ADCY4: variants seen among roughly 807,000 people sequenced by gnomAD.
The protein encoded by ADCY4 is adenylate cyclase type 4.
In ADCY4, 111 loss-of-function variants were observed where a neutral mutation model predicts 125.5. The observed-to-expected ratio is 0.88, with a 90% confidence interval of 0.76 to 1.04. The LOEUF is 1.04. Ranked by LOEUF, ADCY4 falls within the 50% of genes least tolerant of loss-of-function variation. The probability of loss-of-function intolerance (pLI) is 0.00; values close to 1 mark genes in which losing one functional copy is unlikely to be tolerated. For synonymous variants in ADCY4, 576 were observed against 586.9 expected (o/e 0.98, Z 0.27); for missense variants, 1,256 against 1,382.9 (o/e 0.91, Z 1.46).
intron 20 of ADCY4, 57 bp downstream of exon 20, chr14:24,322,009 A>C: frequency 6.5e-7 from 1 of 1,544,518 alleles, no homozygotes; most frequent in Non-Finnish European, 8.8e-7. Flanking sequence ...CAAGGCTTTC[A>C]TCTGAAATTA....
chr14:24,334,739 C>A lies in ADCY4; in HGVS notation c.-87G>T. ...CCCGGCGGGCCCCACCTGAGCTTTT[C>A]TCACCCGCTCAAAGCCGCTACCACC... is the stretch of plus-strand genomic sequence containing the variant. On this transcript the variant is annotated 5_prime_UTR_variant, in exon 1 of 25. Coordinates refer to ENST00000418030, the MANE Select transcript of ADCY4 (RefSeq NM_001198568.2). 1 of 1,153,592 alleles carries A rather than the reference C, an allele frequency of 8.7e-7. No individual in the cohort carries two copies. Among genetic ancestry groups the A allele is most frequent in the South Asian group, 1.6e-5 (1 of 61,690 alleles). 71.5% of individuals were successfully genotyped at this position (1,153,592 alleles called of 1,614,324 possible).
rs764583308 is a variant in ADCY4 at position 24,322,185 on chromosome 14, T to G, written c.2467A>C (p.Lys823Gln). Residue 823 changes from lysine to glutamine, a missense_variant, in exon 20 of 25, where the codon AAG (lysine) becomes CAG (glutamine). Coordinates refer to ENST00000418030, the MANE Select transcript of ADCY4 (RefSeq NM_001198568.2). ...YCRLDFLWKK[K>Q]LRQEREETET... ...GTCTCCTCCCTCTCCTGCCTCAGCTTCTTCTTCCACAGGAAGTCCAGGCGG... is the reference window on the plus strand; with the variant it reads ...GTCTCCTCCCTCTCCTGCCTCAGCTGCTTCTTCCACAGGAAGTCCAGGCGG... 10 of 1,614,050 alleles carry G rather than the reference T, an allele frequency of 6.2e-6. No homozygotes were observed. In the East Asian group the frequency reaches 8.9e-5, roughly 14 times the overall value.
chr14:24,330,335 G>C (rs1566439765), intron 6 of ADCY4, 40 bp from the exon 7 acceptor site: 1 of 1,611,776 alleles, frequency 6.2e-7, no homozygotes, highest in Non-Finnish European at 8.5e-7. Context: ...AACCTGGTTA[G>C]AGGTCAGAAG....
chr14:24,331,253 G>C lies in ADCY4; in HGVS notation c.773C>G (p.Thr258Ser). 6.2e-7 allele frequency: 1 copy of C among 1,614,186 alleles called. No homozygotes were observed. The highest frequency in any genetic ancestry group is 8.5e-7 in the Non-Finnish European group (1 of 1,180,028). Reference sequence around the variant, plus strand: ...GACATAGAGGCTGTGGAAATTGTTAGTGCTCTCTGGCCGTGACCCCTGTCC... The same window carrying C: ...GACATAGAGGCTGTGGAAATTGTTACTGCTCTCTGGCCGTGACCCCTGTCC... ...QAGQGSRPES[T>S]NNFHSLYVKR... The change falls in exon 5 of 25, where the codon ACT (threonine) becomes AGT (serine). Residue 258 changes from threonine to serine, a missense_variant. Thr to Ser is a moderately conservative substitution (Grantham distance 58). Transcript: ENST00000418030.
In ADCY4 at chr14:24,325,385, C is replaced by A; in HGVS notation, c.1815G>T (p.Val605=). 6.2e-7 allele frequency: 1 copy of A among 1,613,362 alleles called. No homozygotes were observed. Among genetic ancestry groups the A allele is most frequent in the South Asian group, 1.1e-5 (1 of 91,046 alleles). ...GCCTGGGGCACTCTCACCTGTTTGTCACTAGCATCTGGATGATGAAGTTGG... is the reference window on the plus strand; with the variant it reads ...GCCTGGGGCACTCTCACCTGTTTGTAACTAGCATCTGGATGATGAAGTTGG... ...FLSNFIIQML[V]TNRPPALAIT... is the part of the protein sequence containing the mutation. The change falls in exon 14 of 25, where the codon GTG becomes GTT. Residue 605 remains valine (V), a synonymous_variant. Coordinates refer to ENST00000418030, the MANE Select transcript of ADCY4 (RefSeq NM_001198568.2).
intron 14 of ADCY4, 101 bp from the exon 15 acceptor site, chr14:24,324,492 T>A: frequency 7.4e-7 from 1 of 1,350,082 alleles, no homozygotes; most frequent in Non-Finnish European, 1.0e-6. Flanking sequence ...GAAGTGGTTC[T>A]GGGGAATCTG....
rs61560607 is a variant in ADCY4, at chr14:24,332,237, CTTTTTTTT to C, written c.519+277_519+284del. On this transcript the variant is annotated intron_variant, in intron 3 of 24. Transcript: ENST00000418030. ...CGCTACCCACTCCCATCGCACAAAA[CTTTTTTTT>C]TTTTTTTTTCATTCTCTGTCAAGGT... The C allele has an allele frequency of 1.5e-5, 6 of 394,630 alleles. No individual in the cohort carries two copies. In the Admixed American group the frequency reaches 1.9e-4, roughly 12 times the overall value. The allele number at this position is 394,630 out of a possible 1,614,324, so 24.4% of individuals were successfully genotyped here.
rs1025416042 is a variant in ADCY4 at position 24,319,640 on chromosome 14, G to A, written c.2733+102C>T. ...AGGAGGTGAGGGAGTACTGTGGAGGGGAGGATTGACTTCATGGCCAGAAAA... is the reference window on the plus strand; with the variant it reads ...AGGAGGTGAGGGAGTACTGTGGAGGAGAGGATTGACTTCATGGCCAGAAAA... On this transcript the variant is annotated intron_variant, in intron 21 of 24. Coordinates refer to ENST00000418030, the MANE Select transcript of ADCY4 (RefSeq NM_001198568.2). This position sits in a 1 kb window ranked among gnomAD's most constrained non-coding sequence, Gnocchi z 4.5. The A allele has an allele frequency of 5.5e-6, 8 of 1,460,340 alleles. No homozygotes were observed. The highest frequency in any genetic ancestry group is 5.2e-5 in the Admixed American group (3 of 57,248). The allele number at this position is 1,460,340 out of a possible 1,614,324, so 90.5% of individuals were successfully genotyped here.
rs769380275 is a variant in ADCY4 at position 24,324,166 on chromosome 14, A to T, written c.1942T>A (p.Trp648Arg). ...ACCAGGCCAGACAGTGCAGGCAGCC[A>T]GTGCAGCATCTTGGGGCCTTTCAGG... ...CVLKGPKMLHWLPALSGLVAT... is the reference protein window; with the variant it reads ...CVLKGPKMLHRLPALSGLVAT... Residue 648 changes from tryptophan to arginine, a missense_variant, in exon 16 of 25, where the codon TGG becomes AGG. Coordinates refer to ENST00000418030, the MANE Select transcript of ADCY4 (RefSeq NM_001198568.2). 2.5e-6 allele frequency: 4 copies of T among 1,614,254 alleles called. No homozygotes were observed. In the South Asian group the frequency reaches 4.4e-5, roughly 18 times the overall value.
At chr14:24,333,381 C>T (rs2042080101) in intron 1 of ADCY4, among the ~76,000 whole-genome samples, 1 of 149,936 alleles carries the variant, frequency 6.7e-6, no homozygotes, top group Non-Finnish European at 1.5e-5. Context: ...CCACCACGCC[C>T]AGCTAATTTT....
Position 24,324,394 on chromosome 14 carries a change from G to A in ADCY4, c.1824-3C>T, listed in dbSNP as rs1884366. ...ACGTGATGGCCAGAGCTGGGGGCCT[G>A]AAGGGAGACAAAAGCGAGGCCTTGA... On this transcript the variant is annotated splice_region_variant and splice_polypyrimidine_tract_variant and intron_variant, in intron 14 of 24. Coordinates refer to ENST00000418030, the MANE Select transcript of ADCY4 (RefSeq NM_001198568.2). 0.99 allele frequency: 1,594,464 copies of A among 1,613,476 alleles called. 789,576 individuals carry two copies. Among genetic ancestry groups the A allele is most frequent in the East Asian group, 1 (44,887 of 44,888 alleles).
At chr14:24,329,786 C>A in intron 8 of ADCY4, 74 bp downstream of exon 8, 1 of 1,561,356 alleles carries the variant, frequency 6.4e-7, no homozygotes. Context: ...TCTTAAGGAA[C>A]TAATGAAAGG....
At chr14:24,324,224 A>T in intron 15 of ADCY4, 25 bp from the exon 16 acceptor site, 1 of 1,614,138 alleles carries the variant, frequency 6.2e-7, no homozygotes, top group Non-Finnish European at 8.5e-7. Context: ...TGGGCATCTT[A>T]GCCACGGGGC....
chr14:24,328,113 G>T (rs996454180), intron 10 of ADCY4, among the ~76,000 whole-genome samples: 3 of 152,104 alleles, frequency 2.0e-5, no homozygotes, highest in African/African-American at 7.2e-5. Flanking sequence ...AGGGCTCCTT[G>T]GTCTAGCGGT....
Position 24,323,026 on chromosome 14 carries a change from G to C in ADCY4, c.2220C>G (p.Phe740Leu). The part of the protein sequence containing the change: ...LSCSLFLHMS[F>L]ELKLLLLLLW... ...GCAGGAGCAGCAGCAGCTTCAGCTC[G>C]AAGCTCATGTGCAGAAAGAGGGAGC... Residue 740 changes from phenylalanine to leucine, a missense_variant, in exon 18 of 25, where the codon TTC becomes TTG. Physicochemically the swap from Phe to Leu is conservative, Grantham distance 22 (BLOSUM62 0). Transcript: ENST00000418030. 1 of 1,614,166 alleles carries C rather than the reference G, an allele frequency of 6.2e-7. No individual in the cohort carries two copies.
rs976789148 is a variant in ADCY4, at chr14:24,323,237, T to C, written c.2157+107A>G. ...ACTGATACACACTGGGTGTGACTTATGTCTGTTCTAATCCACAGAATGGAG... is the reference window on the plus strand; with the variant it reads ...ACTGATACACACTGGGTGTGACTTACGTCTGTTCTAATCCACAGAATGGAG... On this transcript the variant is annotated intron_variant, in intron 17 of 24. Transcript: ENST00000418030. 2.9e-6 allele frequency: 4 copies of C among 1,391,710 alleles called. No individual in the cohort carries two copies. The African/African-American group carries it at 4.3e-5, about 15-fold the overall frequency. 86.2% of individuals were successfully genotyped at this position (1,391,710 alleles called of 1,614,324 possible).
chr14:24,332,621 G>A lies in ADCY4; in HGVS notation c.420C>T (p.Asp140=). 1.9e-6 allele frequency: 3 copies of A among 1,582,222 alleles called. No homozygotes were observed. Among genetic ancestry groups the A allele is most frequent in the Non-Finnish European group, 2.6e-6 (3 of 1,164,184 alleles). ...AGGAGGCGAGGCCCGCGACGGCGGC[G>A]TCCCGCATGCCCAAGGGCAGCATGG... ...AYAMLPLGMR[D]AAVAGLASSL... The change falls in exon 3 of 25, where the codon GAC becomes GAT. Residue 140 remains aspartate, a synonymous_variant. Transcript: ENST00000418030.
Position 24,324,348 on chromosome 14 carries a change from A to AG in ADCY4, c.1866dup (p.Phe623LeufsTer189). ...AAGCAGACAAAAAGGATGAGGAGGA[A>AG]GAGGAGGAAGGTGATGCTATACGTG... On this transcript the variant is annotated frameshift_variant, in exon 15 of 25. Coordinates refer to ENST00000418030, the MANE Select transcript of ADCY4 (RefSeq NM_001198568.2). LOFTEE classifies it high-confidence loss of function. 1 of 1,614,218 alleles carries AG rather than the reference A, an allele frequency of 6.2e-7. No individual in the cohort carries two copies. Among genetic ancestry groups the AG allele is most frequent in the Non-Finnish European group, 8.5e-7 (1 of 1,180,034 alleles).
In ADCY4 at chr14:24,329,119, T is replaced by C. The variant is rs1421939268; in HGVS notation, c.1466A>G (p.Lys489Arg). The C allele has an allele frequency of 6.2e-7, 1 of 1,613,892 alleles. No individual in the cohort carries two copies. Among genetic ancestry groups the C allele is most frequent in the Admixed American group, 1.7e-5 (1 of 59,992 alleles). The change falls in exon 10 of 25, where the codon AAG becomes AGG. Residue 489 changes from lysine (K) to arginine (R), a missense_variant. By Grantham distance (26) the Lys-to-Arg change is conservative. Coordinates refer to ENST00000418030, the MANE Select transcript of ADCY4 (RefSeq NM_001198568.2). ...TRYLESWGAA[K>R]PFAHLSHGDS... ...TCCGTGGCTCAGGTGGGCAAAAGGCTTGGCTGCGCCCCAGGACTCCAGGTA... is the reference window on the plus strand; with the variant it reads ...TCCGTGGCTCAGGTGGGCAAAAGGCCTGGCTGCGCCCCAGGACTCCAGGTA...
Sources: gnomAD v4.1 joint callset for allele counts (sites outside exome capture counted in the v4.1 genomes callset) on GRCh38, gnomAD v4.1.1 for gene constraint, Gnocchi (gnomAD v3.1) non-coding constraint, MANE v1.5 for transcripts, NCBI Gene and HGNC (gene_info 2026-07-23, HGNC 2026-07-21) for gene names.